The following HSD17B6 variants were observed in gnomAD, a reference collection of about 807,000 sequenced individuals.
HSD17B6 encodes 17-beta-hydroxysteroid dehydrogenase type 6.
In HSD17B6, 16 loss-of-function variants were observed where a neutral mutation model predicts 26.4. The ratio of observed to expected loss-of-function variants is 0.61; its 90% CI spans 0.41 to 0.92. The LOEUF (loss-of-function observed/expected upper bound fraction) is 0.92. Among genes scored for constraint, HSD17B6 ranks in the 40% least tolerant of loss-of-function variants. The probability of loss-of-function intolerance (pLI) is 0.00; values close to 1 mark genes in which losing one functional copy is unlikely to be tolerated. For synonymous variants in HSD17B6, 139 were observed against 153.0 expected (o/e 0.91, Z 0.68); for missense variants, 357 against 386.1 (o/e 0.92, Z 0.63).
chr12:56,785,821 G>GT, intron 4 of HSD17B6: 1 of 244,906 alleles, frequency 4.1e-6, no homozygotes, highest in Non-Finnish European at 6.5e-6. Context: ...AAGCATGTAG[G>GT]TGGGAAGAGG....
chr12:56,782,158 G>A lies in HSD17B6; in HGVS notation c.498G>A (p.Leu166=), dbSNP rs1426862355. 5.0e-6 allele frequency: 8 copies of A among 1,614,066 alleles called. No individual in the cohort carries two copies. In the East Asian group the frequency reaches 1.6e-4, roughly 31 times the overall value. The change falls in exon 3 of 5, where the codon CTG becomes CTA. Residue 166 remains leucine (L), a synonymous_variant. Transcript: ENST00000322165. ...GAATTGTCAATGTCTCCAGCATTCT[G>A]GGAAGAGTTGCTTTCTTTGTAGGAG... ...RGRIVNVSSI[L]GRVAFFVGGY...
At chr12:56,778,625 A>C (rs1389751957) in intron 2 of HSD17B6, among the ~76,000 whole-genome samples, 1 of 146,888 alleles carries the variant, frequency 6.8e-6, no homozygotes, top group African/African-American at 2.5e-5. Flanking sequence ...TCAGTTTATA[A>C]TGTTACTATC....
intron 2 of HSD17B6, among the ~76,000 whole-genome samples, chr12:56,777,930 T>C (rs1183310207): frequency 6.6e-6 from 1 of 152,178 alleles, no homozygotes; most frequent in Non-Finnish European, 1.5e-5. Flanking sequence ...TCAGAAGTTA[T>C]GGGTAGTTAT....
intron 1 of HSD17B6, among the ~76,000 whole-genome samples, chr12:56,764,900 T>C (rs115203099): frequency 0.014 from 2,184 of 152,176 alleles, 53 homozygotes; most frequent in African/African-American, 0.05. Context: ...TCTCAGCTCA[T>C]TGCGGCCTCT....
At position 56,781,978 on chromosome 12, in the gene HSD17B6, CTG is replaced by C; in HGVS notation, c.319_320del (p.Trp107GlyfsTer16). ...VKEHVGDRGL[W>X]GLVNNAGILT... The stretch of plus-strand genomic sequence containing the variant: ...TATGACTTTTAATTGTTTTAGGACT[CTG>C]GGGACTGGTGAACAATGCAGGCATT... On this transcript the variant is annotated frameshift_variant, in exon 3 of 5. Coordinates refer to ENST00000322165, the MANE Select transcript of HSD17B6 (RefSeq NM_003725.4). LOFTEE classifies it high-confidence loss of function. 6.2e-7 allele frequency: 1 copy of C among 1,613,688 alleles called. No homozygotes were observed. The highest frequency in any genetic ancestry group is 8.5e-7 in the Non-Finnish European group (1 of 1,179,758).
chr12:56,764,068 C>CAAAAAA (rs71081400), intron 1 of HSD17B6, among the ~76,000 whole-genome samples: 40 of 74,310 alleles, frequency 5.4e-4, no homozygotes, highest in African/African-American at 1.4e-3. Context: ...GACCGTGTCT[C>CAAAAAA]AAAAAAAAAA....
rs11171966 is a variant in HSD17B6 at position 56,763,402 on chromosome 12, C to T, written c.-32C>T. 3.3e-5 allele frequency: 5 copies of T among 152,134 alleles called. No individual in the cohort carries two copies. Among genetic ancestry groups the T allele is most frequent in the African/African-American group, 1.2e-4 (5 of 40,820 alleles). The allele number at this position is 152,134 out of a possible 1,614,324, so 9.4% of individuals were successfully genotyped here. A position where few individuals can be genotyped will look rare whatever the true frequency, so the allele number is the denominator to read the frequency against. On this transcript the variant is annotated 5_prime_UTR_variant, in exon 1 of 5. Transcript: ENST00000322165. ...TCAAGTCTCTAGGACTGGACTCTTC[C>T]TAAGCAAGTCCGGTATGTAGGTGGG...
At chr12:56,770,814 A>G (rs1362856989) in intron 1 of HSD17B6, among the ~76,000 whole-genome samples, 1 of 152,272 alleles carries the variant, frequency 6.6e-6, no homozygotes, top group East Asian at 1.9e-4. Context: ...AGGTTAAATC[A>G]GGGCAGGAAA....
intron 1 of HSD17B6, among the ~76,000 whole-genome samples, chr12:56,767,530 C>T (rs1436702117): frequency 5.6e-5 from 8 of 143,248 alleles, no homozygotes; most frequent in African/African-American, 2.1e-4. Flanking sequence ...CAAAACAAAA[C>T]GAAAACAAAA....
chr12:56,784,020 G>T (rs553746971), intron 3 of HSD17B6, among the ~76,000 whole-genome samples: 8 of 151,280 alleles, frequency 5.3e-5, no homozygotes, highest in Non-Finnish European at 1.2e-4. Flanking sequence ...GGGCCGAGGC[G>T]CTCCTCACAT....
At chr12:56,768,684 A>G in intron 1 of HSD17B6, among the ~76,000 whole-genome samples, 1 of 125,308 alleles carries the variant, frequency 8.0e-6, no homozygotes, top group Non-Finnish European at 1.6e-5. Context: ...GCTAGTAAAG[A>G]TTTGGAACAG....
chr12:56,778,806 C>A (rs866956594), intron 2 of HSD17B6, among the ~76,000 whole-genome samples: 1 of 151,754 alleles, frequency 6.6e-6, no homozygotes, highest in Middle Eastern at 3.2e-3. Flanking sequence ...TTACAAGTAG[C>A]TGGGTCTACA....
In HSD17B6 at chr12:56,784,175, C is replaced by T. The variant is rs532810950; in HGVS notation, c.573-678C>T. 6.1e-3 allele frequency among the ~76,000 whole-genome samples: 910 copies of T among 149,480 alleles called. 10 individuals carry two copies. The highest frequency in any genetic ancestry group is 0.021 in the African/African-American group (853 of 40,422). On this transcript the variant is annotated intron_variant, in intron 3 of 4. Transcript: ENST00000322165. The stretch of plus-strand genomic sequence containing the variant: ...AGATGGGATGGCGGCTGGGCAGAGA[C>T]GCTCCTCACTTTCCAGACTGGGCAG...
At chr12:56,774,533 TCAAGTG>T (rs1954550344) in intron 2 of HSD17B6, among the ~76,000 whole-genome samples, 1 of 152,222 alleles carries the variant, frequency 6.6e-6, no homozygotes, top group Non-Finnish European at 1.5e-5. Flanking sequence ...TTGGGATGAT[TCAAGTG>T]CATTGCATTT....
intron 1 of HSD17B6, among the ~76,000 whole-genome samples, chr12:56,764,126 A>C (rs1244210851): frequency 6.6e-6 from 1 of 151,818 alleles, no homozygotes; most frequent in East Asian, 1.9e-4. Context: ...AGAAAATCAA[A>C]AAGAAAAGAA....
At chr12:56,765,184 C>T (rs985064430) in intron 1 of HSD17B6, among the ~76,000 whole-genome samples, 6 of 151,998 alleles carry the variant, frequency 3.9e-5, no homozygotes, top group Non-Finnish European at 8.8e-5. Context: ...CGCCTGTAAT[C>T]CCAGCACTTT....
At chr12:56,778,222 T>C (rs942808677) in intron 2 of HSD17B6, among the ~76,000 whole-genome samples, 22 of 152,238 alleles carry the variant, frequency 1.4e-4, no homozygotes, top group African/African-American at 4.3e-4. Flanking sequence ...GAAATTCTAC[T>C]AGTGCCTGAA....
intron 1 of HSD17B6, among the ~76,000 whole-genome samples, chr12:56,771,583 C>G (rs1375532585): frequency 4.6e-5 from 7 of 151,630 alleles, no homozygotes; most frequent in African/African-American, 1.2e-4. Flanking sequence ...CTCAGCCTCC[C>G]AAGTAGCTGG....
At chr12:56,785,338 G>A (rs1296184353) in intron 4 of HSD17B6, among the ~76,000 whole-genome samples, 1 of 152,190 alleles carries the variant, frequency 6.6e-6, no homozygotes, top group African/African-American at 2.4e-5. Context: ...TCCCTCCCAC[G>A]ACATGTGGAG....
Sources: gnomAD v4.1 joint callset for allele counts (sites outside exome capture counted in the v4.1 genomes callset) on GRCh38, gnomAD v4.1.1 for gene constraint, MANE v1.5 for transcripts, NCBI Gene and HGNC (gene_info 2026-07-23, HGNC 2026-07-21) for gene names.